SGCD: variants seen among roughly 807,000 people sequenced by gnomAD.
The protein encoded by SGCD is sarcoglycan delta, also known as delta-sarcoglycan.
SGCD carries 18 observed loss-of-function variants against 36.6 expected under a neutral mutation model. That is an observed-to-expected ratio of 0.49 (90% CI 0.34 to 0.73). The LOEUF (loss-of-function observed/expected upper bound fraction) is 0.73. SGCD is among the 30% of genes least tolerant of loss of function. SGCD has a pLI of 0.01. For synonymous variants in SGCD, 133 were observed against 130.6 expected (o/e 1.02, Z -0.12); for missense variants, 387 against 346.7 (o/e 1.12, Z -0.92).
At chr5:156,284,921 A>T (rs898589034) in intron 3 of SGCD, among the ~76,000 whole-genome samples, 12 of 152,108 alleles carry the variant, frequency 7.9e-5, no homozygotes, top group Non-Finnish European at 1.5e-4. Context: ...TATCTAGAAA[A>T]CCCCATCGTC....
intron 1 of SGCD, among the ~76,000 whole-genome samples, chr5:155,953,090 A>G (rs1757576960): frequency 6.6e-6 from 1 of 152,094 alleles, no homozygotes; most frequent in Non-Finnish European, 1.5e-5. Context: ...TCACTCGCCC[A>G]GTTATCAAGC....
chr5:156,475,228 A>G (rs1042369800), intron 3 of SGCD, among the ~76,000 whole-genome samples: 1 of 152,146 alleles, frequency 6.6e-6, no homozygotes, highest in Non-Finnish European at 1.5e-5. Flanking sequence ...TATCCATTAC[A>G]GGGTCTCTCC....
chr5:156,622,648 A>C (rs1762298909), intron 6 of SGCD, among the ~76,000 whole-genome samples: 1 of 152,034 alleles, frequency 6.6e-6, no homozygotes, highest in African/African-American at 2.4e-5. Flanking sequence ...CCGTATTTTT[A>C]TGTGTAGGTT....
At chr5:155,863,896 C>T in the SGCD span, among the ~76,000 whole-genome samples, 1 of 152,032 alleles carries the variant, frequency 6.6e-6, no homozygotes, top group South Asian at 2.1e-4. Flanking sequence ...ATAGAAAAAA[C>T]AGACAAGGAC....
chr5:156,613,760 C>T (rs1429763865), intron 6 of SGCD, among the ~76,000 whole-genome samples: 1 of 152,214 alleles, frequency 6.6e-6, no homozygotes, highest in Non-Finnish European at 1.5e-5. Context: ...ATAGCAAAAT[C>T]ATTTTGCCAC....
intron 1 of SGCD, among the ~76,000 whole-genome samples, chr5:155,951,426 A>G (rs1757545991): frequency 6.6e-6 from 1 of 152,162 alleles, no homozygotes; most frequent in Non-Finnish European, 1.5e-5. Flanking sequence ...GAATTCAGAC[A>G]GTAGAATGTA....
At chr5:155,897,326 G>T (rs937312371) in intron 1 of SGCD, among the ~76,000 whole-genome samples, 1 of 152,132 alleles carries the variant, frequency 6.6e-6, no homozygotes, top group East Asian at 1.9e-4. Flanking sequence ...CCTGTCTAGG[G>T]CACTTACCAT....
upstream of SGCD, among the ~76,000 whole-genome samples, chr5:155,867,483 T>C (rs1755546252): frequency 1.3e-5 from 2 of 152,146 alleles, no homozygotes; most frequent in Admixed American, 6.6e-5. Flanking sequence ...CCTAGCCAAA[T>C]GAAATGGAGG....
intron 3 of SGCD, among the ~76,000 whole-genome samples, chr5:156,206,996 T>C (rs956456781): frequency 2.0e-5 from 3 of 152,122 alleles, no homozygotes; most frequent in Non-Finnish European, 4.4e-5. Context: ...ATCAAAAAGA[T>C]ATTAATAAAA....
intron 1 of SGCD, among the ~76,000 whole-genome samples, chr5:156,111,356 T>C (rs1761781719): frequency 6.6e-6 from 1 of 152,188 alleles, no homozygotes; most frequent in Non-Finnish European, 1.5e-5. Flanking sequence ...AGGTCTCAGA[T>C]GACCTCCTAA....
At chr5:156,402,898 GC>G (rs1772228772) in intron 3 of SGCD, among the ~76,000 whole-genome samples, 1 of 152,122 alleles carries the variant, frequency 6.6e-6, no homozygotes, top group African/African-American at 2.4e-5. Context: ...TACCTATCCT[GC>G]CTCAGTATTG....
intron 3 of SGCD, among the ~76,000 whole-genome samples, chr5:156,434,977 G>C (rs992483566): frequency 1.5e-4 from 23 of 152,140 alleles, no homozygotes; most frequent in African/African-American, 4.8e-4. Flanking sequence ...TCTTAGAAAA[G>C]TCTAGTTACA....
rs367755600 is a variant in SGCD at position 155,972,200 on chromosome 5, G to A, written c.-282+101776G>A. On this transcript the variant is annotated intron_variant, in intron 1 of 9. Transcript: ENST00000517913. ...AAAAGAATAATACATGCTAATTGTC[G>A]AAAAGTCAAACAGTACAGAGAAATG... Among the ~76,000 whole-genome samples the A allele has an allele frequency of 1.0e-3, 156 of 152,206 alleles. 2 individuals carry two copies. The South Asian group carries it at 0.02, about 20-fold the overall frequency.
intron 3 of SGCD, among the ~76,000 whole-genome samples, chr5:156,202,744 C>T (rs1366513533): frequency 7.3e-6 from 1 of 137,926 alleles, no homozygotes; most frequent in African/African-American, 2.8e-5. Context: ...AGTGGAGTAG[C>T]AGAGGTTCCT....
At chr5:156,445,038 A>T (rs1452452013) in intron 3 of SGCD, among the ~76,000 whole-genome samples, 1 of 152,170 alleles carries the variant, frequency 6.6e-6, no homozygotes. Flanking sequence ...GTTCTTCATA[A>T]TAGCCCAGTG....
chr5:156,294,592 C>T (rs1162519254), intron 3 of SGCD, among the ~76,000 whole-genome samples: 1 of 152,058 alleles, frequency 6.6e-6, no homozygotes, highest in East Asian at 1.9e-4. Context: ...TATTCTTTTA[C>T]CATTGAGTAT....
chr5:156,519,538 T>C (rs1351815870), intron 4 of SGCD, among the ~76,000 whole-genome samples: 3 of 141,914 alleles, frequency 2.1e-5, no homozygotes, highest in East Asian at 4.0e-4. Flanking sequence ...ATAATTCTGA[T>C]ACAAAAACCT....
At chr5:156,061,092 C>A (rs1581070522) in intron 1 of SGCD, among the ~76,000 whole-genome samples, 1 of 145,596 alleles carries the variant, frequency 6.9e-6, no homozygotes, top group African/African-American at 2.5e-5. Flanking sequence ...AGACTTTATC[C>A]TTACCTGAGT....
At chr5:156,117,134 C>G (rs901155019) in intron 1 of SGCD, among the ~76,000 whole-genome samples, 2 of 152,064 alleles carry the variant, frequency 1.3e-5, no homozygotes, top group African/African-American at 4.8e-5. Context: ...TATACAATGG[C>G]TCTGTAGTAC....
Sources: allele counts gnomAD v4.1 joint callset (sites outside exome capture counted in the v4.1 genomes callset), GRCh38; gene constraint gnomAD v4.1.1; transcripts MANE v1.5; gene names NCBI Gene and HGNC (gene_info 2026-07-23, HGNC 2026-07-21).